Variants in BBX observed in about 807,000 individuals in gnomAD.
BBX encodes HMG box transcription factor BBX.
A neutral mutation model predicts 100.2 loss-of-function variants in BBX; 30 were observed. That is an observed-to-expected ratio of 0.30 (90% confidence interval 0.22 to 0.41). The LOEUF is 0.41. BBX is among the 10% of genes least tolerant of loss of function. The pLI, the probability that BBX is intolerant of heterozygous loss-of-function variation, is 1.00. For missense variants in BBX, 1,023 were observed against 1,129.8 expected, an observed-to-expected ratio of 0.91 and a Z score of 1.35; for synonymous variants, 376 against 388.1, an observed-to-expected ratio of 0.97 and a Z score of 0.37.
chr3:107,553,914 G>A (rs542800824), intron 2 of BBX, among the ~76,000 whole-genome samples: 14 of 152,076 alleles, frequency 9.2e-5, no homozygotes, highest in Non-Finnish European at 1.8e-4. Flanking sequence ...GTTCTTTCAG[G>A]AAGATGGTAG....
intron 7 of BBX, among the ~76,000 whole-genome samples, chr3:107,743,372 A>C (rs193079452): frequency 1.6e-3 from 244 of 152,294 alleles, no homozygotes; most frequent in Non-Finnish European, 2.7e-3. Context: ...TGGCCTTTTT[A>C]ATTCATTTTG....
chr3:107,598,432 C>G (rs2053816673), intron 2 of BBX, among the ~76,000 whole-genome samples: 1 of 152,176 alleles, frequency 6.6e-6, no homozygotes, highest in Non-Finnish European at 1.5e-5. Context: ...TAGTCTTACT[C>G]ACATTGACTA....
intron 2 of BBX, among the ~76,000 whole-genome samples, chr3:107,545,364 T>C (rs1052627334): frequency 6.6e-6 from 1 of 152,202 alleles, no homozygotes; most frequent in African/African-American, 2.4e-5. Flanking sequence ...CAATCTGTGA[T>C]GAGGAAAGTG....
chr3:107,571,762 C>G (rs1559825482), intron 2 of BBX, among the ~76,000 whole-genome samples: 1 of 152,230 alleles, frequency 6.6e-6, no homozygotes, highest in Non-Finnish European at 1.5e-5. Context: ...GTGTGAGCAA[C>G]AAGGCTGTTT....
intron 3 of BBX, among the ~76,000 whole-genome samples, chr3:107,652,790 T>A (rs1443797357): frequency 6.6e-6 from 1 of 152,206 alleles, no homozygotes; most frequent in Non-Finnish European, 1.5e-5. Flanking sequence ...TCTCCTAGGA[T>A]CTTCATATAT....
chr3:107,615,091 T>C (rs2055150507), intron 2 of BBX, among the ~76,000 whole-genome samples: 1 of 152,124 alleles, frequency 6.6e-6, no homozygotes, highest in South Asian at 2.1e-4. Context: ...GGAATGCTTT[T>C]GAGGAGGGGA....
chr3:107,695,647 T>C (rs373165858), intron 3 of BBX, among the ~76,000 whole-genome samples: 15,620 of 151,392 alleles, frequency 0.1, 966 homozygotes, highest in Non-Finnish European at 0.13. Flanking sequence ...AGGTGTGGTG[T>C]GGTGCTGAAA....
intron 2 of BBX, among the ~76,000 whole-genome samples, chr3:107,596,882 C>T (rs1276076796): frequency 6.6e-6 from 1 of 152,066 alleles, no homozygotes; most frequent in Admixed American, 6.6e-5. Context: ...TTGCTGTTTT[C>T]TTTGGTTTGT....
At chr3:107,779,198 G>A (rs1317041007) in intron 13 of BBX, among the ~76,000 whole-genome samples, 2 of 151,580 alleles carry the variant, frequency 1.3e-5, no homozygotes, top group African/African-American at 4.9e-5. Flanking sequence ...CAGTCCTAAA[G>A]GGGATTGTAA....
chr3:107,737,002 G>A (rs1004753014), intron 7 of BBX, among the ~76,000 whole-genome samples: 1 of 152,082 alleles, frequency 6.6e-6, no homozygotes, highest in Non-Finnish European at 1.5e-5. Flanking sequence ...TAGAATGCCT[G>A]TTTTGTTGGA....
chr3:107,546,379 C>T (rs1183286291), intron 2 of BBX, among the ~76,000 whole-genome samples: 2 of 152,066 alleles, frequency 1.3e-5, no homozygotes, highest in Non-Finnish European at 2.9e-5. Context: ...TTTTTATAGC[C>T]CATTGTCAGA....
At position 107,710,634 on chromosome 3, in the gene BBX, A is replaced by G. The variant is rs1161332989; in HGVS notation, c.162+12A>G. The G allele has an allele frequency of 3.1e-6, 5 of 1,587,590 alleles. No homozygotes were observed. Among genetic ancestry groups the G allele is most frequent in the South Asian group, 2.3e-5 (2 of 86,684 alleles). On this transcript the variant is annotated intron_variant, in intron 4 of 17. Transcript: ENST00000325805. ...AGGATATTGATAAGGTAAGTCCTAT[A>G]TTTACCATAGAAGTTTCAAGTTTAT...
chr3:107,551,524 A>G (rs1227818723), intron 2 of BBX, among the ~76,000 whole-genome samples: 1 of 152,278 alleles, frequency 6.6e-6, no homozygotes, highest in Non-Finnish European at 1.5e-5. Context: ...GCATAAATGT[A>G]TAAGACTGTA....
chr3:107,758,219 T>TTTC (rs911207017), intron 10 of BBX, among the ~76,000 whole-genome samples: 4 of 152,198 alleles, frequency 2.6e-5, no homozygotes, highest in African/African-American at 7.2e-5. Context: ...ATGCAAAAGA[T>TTTC]TTCTTCTTCT....
intron 12 of BBX, among the ~76,000 whole-genome samples, chr3:107,777,525 T>C (rs779593327): frequency 6.6e-5 from 10 of 152,146 alleles, no homozygotes; most frequent in Admixed American, 4.6e-4. Flanking sequence ...TACAGCCTCT[T>C]CCATCTGTCT....
rs1238386938 is a variant in BBX at position 107,811,139 on chromosome 3, A to C, written c.*5682A>C. Reference sequence around the variant, plus strand: ...TGTAAGTCATGTGTATAACATGCTAAAGTACTTTAACTGTGATCTTAAAAC... The same window carrying C: ...TGTAAGTCATGTGTATAACATGCTACAGTACTTTAACTGTGATCTTAAAAC... On this transcript the variant is annotated 3_prime_UTR_variant, in exon 18 of 18. Transcript: ENST00000325805. 1.3e-5 allele frequency: 2 copies of C among 152,234 alleles called. No homozygotes were observed. The highest frequency in any genetic ancestry group is 2.1e-4 in the South Asian group (1 of 4,834). The allele number at this position is 152,234 out of a possible 1,614,324, so 9.4% of individuals were successfully genotyped here.
intron 2 of BBX, among the ~76,000 whole-genome samples, chr3:107,547,018 A>C (rs980195997): frequency 2.6e-5 from 4 of 152,208 alleles, no homozygotes; most frequent in African/African-American, 9.6e-5. Context: ...TTGAAAGATT[A>C]ATCAATGCTT....
chr3:107,695,783 G>A (rs1449365097), intron 3 of BBX, among the ~76,000 whole-genome samples: 6 of 151,328 alleles, frequency 4.0e-5, no homozygotes, highest in Admixed American at 2.6e-4. Context: ...TCTGTCTAAT[G>A]TTGACAGTGG....
At chr3:107,792,797 T>C (rs1343423982) in intron 15 of BBX, among the ~76,000 whole-genome samples, 2 of 152,208 alleles carry the variant, frequency 1.3e-5, no homozygotes, top group African/African-American at 4.8e-5. Context: ...GCAGAAGAGT[T>C]TGAAGGACAT....
Sources: allele counts gnomAD v4.1 joint callset (sites outside exome capture counted in the v4.1 genomes callset), GRCh38; gene constraint gnomAD v4.1.1; transcripts MANE v1.5; gene names NCBI Gene and HGNC (gene_info 2026-07-23, HGNC 2026-07-21).